Variants in SGK3 observed in about 807,000 individuals in gnomAD.
The protein encoded by SGK3 is serum/glucocorticoid regulated kinase family member 3, also known as serine/threonine-protein kinase Sgk3.
SGK3 carries 47 observed loss-of-function variants against 68.5 expected under a neutral mutation model. That is an observed-to-expected ratio of 0.69 (90% CI 0.54 to 0.87). The LOEUF (loss-of-function observed/expected upper bound fraction) is 0.87, where lower values mean the gene tolerates loss of function less well. SGK3 is among the 40% of genes least tolerant of loss of function. The pLI is 0.00. For missense variants in SGK3, 479 were observed against 575.5 expected (o/e 0.83, Z 1.72); for synonymous variants, 181 against 189.1 (o/e 0.96, Z 0.35).
intron 1 of SGK3, among the ~76,000 whole-genome samples, chr8:66,765,999 T>G (rs1806304532): frequency 6.6e-6 from 1 of 150,984 alleles, no homozygotes; most frequent in African/African-American, 2.4e-5. Context: ...CACTCCATCC[T>G]GGGTGACACA....
intron 1 of SGK3, chr8:66,767,385 G>C: frequency 8.1e-7 from 1 of 1,227,006 alleles, no homozygotes; most frequent in Non-Finnish European, 1.2e-6. Flanking sequence ...AAACTCTAAA[G>C]CACTAAGAAA....
chr8:66,827,470 A>G lies in SGK3; in HGVS notation c.418-1184A>G, dbSNP rs193079835. Among the ~76,000 whole-genome samples, 20 of 151,584 alleles carry G rather than the reference A, an allele frequency of 1.3e-4. 1 individual carries two copies. The highest frequency in any genetic ancestry group is 1.3e-3 in the Admixed American group (20 of 15,216). On this transcript the variant is annotated intron_variant, in intron 6 of 16. Transcript: ENST00000521198. ...TTTATATTTATAGCTTATATGAAGT[A>G]TAATTATATATTATATAGAACACTA...
intron 1 of SGK3, among the ~76,000 whole-genome samples, chr8:66,727,261 T>A (rs1805012852): frequency 6.6e-6 from 1 of 152,010 alleles, no homozygotes; most frequent in African/African-American, 2.4e-5. Context: ...ACCACCTGGC[T>A]AATTTTTGTA....
At chr8:66,855,062 C>G (rs1365912959) in intron 16 of SGK3, among the ~76,000 whole-genome samples, 14 of 152,106 alleles carry the variant, frequency 9.2e-5, no homozygotes, top group African/African-American at 3.1e-4. Context: ...ATTCCAGGAA[C>G]CTAAAAGTAA....
intron 4 of SGK3, among the ~76,000 whole-genome samples, chr8:66,805,029 T>C (rs1306200627): frequency 6.6e-6 from 1 of 151,778 alleles, no homozygotes; most frequent in Admixed American, 6.6e-5. Flanking sequence ...CAGTGAGCTG[T>C]CATCATGCCA....
rs765422599 is a variant in SGK3 at position 66,793,753 on chromosome 8, C to G, written c.17C>G (p.Thr6Ser). The change falls in exon 2 of 17, where the codon ACC (threonine) becomes AGC (serine). Residue 6 changes from threonine to serine, a missense_variant. Physicochemically the swap from Thr to Ser is moderately conservative, Grantham distance 58. Transcript: ENST00000521198. MQRDH[T>S]MDYKESCPSV... Reference sequence around the variant, plus strand: ...AGGGATTAAATGCAAAGAGATCACACCATGGACTACAAGGAAAGCTGCCCA... The same window carrying G: ...AGGGATTAAATGCAAAGAGATCACAGCATGGACTACAAGGAAAGCTGCCCA... 1.9e-6 allele frequency: 3 copies of G among 1,613,150 alleles called. No individual in the cohort carries two copies. The highest frequency in any genetic ancestry group is 2.5e-6 in the Non-Finnish European group (3 of 1,179,446).
At position 66,750,770 on chromosome 8, in the gene SGK3, C is replaced by T. The variant is rs148593948; in HGVS notation, c.-122+37937C>T. The stretch of plus-strand genomic sequence containing the variant: ...CTGTAATCCCAGCACTTTGGGAGGC[C>T]GAGGCAGGTGGATTTCTTGAGCCCA... On this transcript the variant is annotated intron_variant, in intron 1 of 16. Transcript: ENST00000521198. Among the ~76,000 whole-genome samples the T allele has an allele frequency of 3.7e-3, 556 of 148,652 alleles. 40 individuals are homozygous for T. In the East Asian group the frequency reaches 0.1, roughly 27 times the overall value.
At chr8:66,825,607 T>C (rs1809023701) in intron 6 of SGK3, among the ~76,000 whole-genome samples, 1 of 152,156 alleles carries the variant, frequency 6.6e-6, no homozygotes. Context: ...TCGTCTGGCC[T>C]ATTAAGGACT....
chr8:66,802,497 C>T (rs1047894237), intron 3 of SGK3, among the ~76,000 whole-genome samples: 2 of 151,856 alleles, frequency 1.3e-5, no homozygotes, highest in Admixed American at 6.6e-5. Flanking sequence ...AAGACCAGCC[C>T]GGGCAATGAC....
intron 1 of SGK3, among the ~76,000 whole-genome samples, chr8:66,734,357 A>G (rs1585644927): frequency 6.6e-6 from 1 of 150,604 alleles, no homozygotes; most frequent in Admixed American, 6.6e-5. Flanking sequence ...TGCTATGTGG[A>G]ATTTTATTTA....
intron 1 of SGK3, among the ~76,000 whole-genome samples, chr8:66,763,442 A>G (rs1444612213): frequency 6.6e-6 from 1 of 152,178 alleles, no homozygotes; most frequent in Non-Finnish European, 1.5e-5. Context: ...AGGACATTCC[A>G]GGCTCATCTT....
intron 1 of SGK3, among the ~76,000 whole-genome samples, chr8:66,752,776 G>A (rs1321568811): frequency 1.3e-5 from 2 of 152,160 alleles, no homozygotes; most frequent in South Asian, 2.1e-4. Flanking sequence ...TGTTTTCGGC[G>A]AGACAAGGAC....
intron 1 of SGK3, among the ~76,000 whole-genome samples, chr8:66,720,508 G>A (rs1487631083): frequency 6.6e-6 from 1 of 152,098 alleles, no homozygotes; most frequent in African/African-American, 2.4e-5. Context: ...AGTGGCTCAC[G>A]CCTGTAATCC....
chr8:66,796,737 A>G lies in SGK3; in HGVS notation c.97-1805A>G, dbSNP rs186824638. On this transcript the variant is annotated intron_variant, in intron 2 of 16. Transcript: ENST00000521198. ...AATTATATTTTTATTTATCCACTTG[A>G]CAAATTGTGAGTTTCTATGTTATGT... 2.8e-3 allele frequency among the ~76,000 whole-genome samples: 423 copies of G among 152,282 alleles called. 5 individuals are homozygous for G. The highest frequency in any genetic ancestry group is 9.9e-3 in the African/African-American group (412 of 41,544).
chr8:66,725,202 C>T (rs1475883861), intron 1 of SGK3, among the ~76,000 whole-genome samples: 2 of 152,040 alleles, frequency 1.3e-5, no homozygotes, highest in African/African-American at 4.8e-5. Context: ...GCACTCCAGC[C>T]TGGGCGACAG....
At chr8:66,785,866 C>T (rs1807178082) in intron 1 of SGK3, among the ~76,000 whole-genome samples, 2 of 152,228 alleles carry the variant, frequency 1.3e-5, no homozygotes, top group Non-Finnish European at 2.9e-5. Flanking sequence ...CCCTGGCAAG[C>T]CAGCTGCCCC....
rs771873798 is a variant in SGK3, at chr8:66,828,695, A to G, written c.459A>G (p.Gly153=). 1 of 1,613,940 alleles carries G rather than the reference A, an allele frequency of 6.2e-7. No homozygotes were observed. ...AGAACATCAACCTGGGACCGTCTGG[A>G]AATCCTCAGTATGTTTAATTTGCTT... The part of the protein sequence containing the change: ...TSQNINLGPS[G]NPHAKPTDFD... Residue 153 remains glycine, a synonymous_variant, in exon 7 of 17, where the codon GGA becomes GGG. Transcript: ENST00000521198.
intron 5 of SGK3, among the ~76,000 whole-genome samples, chr8:66,817,225 G>A (rs2130654718): frequency 6.6e-6 from 1 of 152,182 alleles, no homozygotes; most frequent in Middle Eastern, 3.4e-3. Flanking sequence ...GAGGTCAAGA[G>A]ATGGAGACCA....
intron 16 of SGK3, among the ~76,000 whole-genome samples, chr8:66,853,768 G>T (rs980511621): frequency 2.0e-5 from 3 of 152,084 alleles, no homozygotes; most frequent in African/African-American, 7.2e-5. Flanking sequence ...ATAAGAATTG[G>T]TTGCTTAATT....
Sources: gnomAD v4.1 joint callset for allele counts (sites outside exome capture counted in the v4.1 genomes callset) on GRCh38, gnomAD v4.1.1 for gene constraint, MANE v1.5 for transcripts, NCBI Gene and HGNC (gene_info 2026-07-23, HGNC 2026-07-21) for gene names.